Variants in GSK3B observed in about 807,000 individuals in gnomAD.
The protein encoded by GSK3B is glycogen synthase kinase 3 beta, also known as glycogen synthase kinase-3 beta.
A neutral mutation model predicts 56.4 loss-of-function variants in GSK3B; 15 were observed. The observed-to-expected ratio is 0.27, with a 90% CI of 0.18 to 0.41. GSK3B has a LOEUF of 0.41. GSK3B is among the 10% of genes least tolerant of loss of function. The pLI is 1.00. For synonymous variants in GSK3B, 181 were observed against 188.9 expected (o/e 0.96, Z 0.34); for missense variants, 300 against 513.4 (o/e 0.58, Z 4.02).
At chr3:119,905,902 G>T in intron 6 of GSK3B, 50 bp from the exon 7 acceptor site, 1 of 1,022,394 alleles carries the variant, frequency 9.8e-7, no homozygotes, top group Non-Finnish European at 1.6e-6. Flanking sequence ...AGCTTGAGCT[G>T]AAAAGTGTTT....
intron 6 of GSK3B, among the ~76,000 whole-genome samples, chr3:119,911,102 C>T (rs1189476069): frequency 6.6e-6 from 1 of 152,126 alleles, no homozygotes; most frequent in South Asian, 2.1e-4. Context: ...CTTAGTGACA[C>T]CTAGAATGGT....
chr3:119,971,376 C>T (rs1219584626), intron 2 of GSK3B, among the ~76,000 whole-genome samples: 2 of 152,218 alleles, frequency 1.3e-5, no homozygotes, highest in Non-Finnish European at 1.5e-5. Flanking sequence ...CCTACAGGTA[C>T]AGTTTCATTT....
intron 2 of GSK3B, among the ~76,000 whole-genome samples, chr3:119,948,676 T>C (rs1353351453): frequency 6.6e-6 from 1 of 152,204 alleles, no homozygotes; most frequent in Non-Finnish European, 1.5e-5. Context: ...AAGCTATTTC[T>C]GGAAGTATTT....
chr3:119,917,175 T>C (rs183772710), intron 4 of GSK3B, among the ~76,000 whole-genome samples: 5 of 152,238 alleles, frequency 3.3e-5, no homozygotes, highest in South Asian at 2.1e-4. Context: ...TAATGAAGCA[T>C]TGACATATGG....
At chr3:120,010,617 C>T (rs2057770289) in intron 1 of GSK3B, among the ~76,000 whole-genome samples, 1 of 152,220 alleles carries the variant, frequency 6.6e-6, no homozygotes, top group South Asian at 2.1e-4. Flanking sequence ...AATCTCACAT[C>T]TAACTCACAA....
rs1184491567 is a variant in GSK3B, at chr3:119,928,608, AAAAT to A, written c.367-5129_367-5126del. ...AGATAGAGCGAGACTCCATATCAAA[AAAAT>A]AAAAAAAAAAAAAAAAAAAAAAAGA... On this transcript the variant is annotated intron_variant, in intron 3 of 10. Coordinates refer to ENST00000264235, the MANE Select transcript of GSK3B (RefSeq NM_001146156.2). Among the ~76,000 whole-genome samples, 510 of 139,202 alleles carry A rather than the reference AAAAT, an allele frequency of 3.7e-3. 12 individuals carry two copies. The highest frequency in any genetic ancestry group is 0.012 in the African/African-American group (389 of 33,774). 91.3% of individuals were successfully genotyped at this position (139,202 alleles called of 152,430 possible).
At chr3:119,828,505 C>A (rs533952475) in intron 10 of GSK3B, among the ~76,000 whole-genome samples, 7 of 152,144 alleles carry the variant, frequency 4.6e-5, no homozygotes, top group African/African-American at 1.7e-4. Flanking sequence ...TTGGTGACAC[C>A]GAAAGGCAGA....
intron 2 of GSK3B, among the ~76,000 whole-genome samples, chr3:119,983,835 T>G (rs1460928173): frequency 6.6e-6 from 1 of 152,208 alleles, no homozygotes; most frequent in Non-Finnish European, 1.5e-5. Flanking sequence ...GGACCTGAAC[T>G]CAGCTCTGCA....
rs200168029 is a variant in GSK3B, at chr3:120,094,057, C to T, written c.-623G>A. ...CAGAGGCGGGCGGTGGCGGTGGCGG[C>T]GGCTCCTCTCCTCATTGCGCCAGGA... On this transcript the variant is annotated 5_prime_UTR_variant, in exon 1 of 11. Coordinates refer to ENST00000264235, the MANE Select transcript of GSK3B (RefSeq NM_001146156.2). 1 of 227,150 alleles carries T rather than the reference C, an allele frequency of 4.4e-6. No individual in the cohort carries two copies. The highest frequency in any genetic ancestry group is 8.8e-6 in the Non-Finnish European group (1 of 113,848). The allele number at this position is 227,150 out of a possible 1,614,324, so 14.1% of individuals were successfully genotyped here.
chr3:119,943,064 T>A (rs2107487563), intron 3 of GSK3B, among the ~76,000 whole-genome samples: 1 of 152,354 alleles, frequency 6.6e-6, no homozygotes, highest in South Asian at 2.1e-4. Flanking sequence ...TTCTTCTAGT[T>A]ACATTGGCTA....
At chr3:120,055,451 T>C (rs543584148) in intron 1 of GSK3B, among the ~76,000 whole-genome samples, 98 of 152,336 alleles carry the variant, frequency 6.4e-4, no homozygotes, top group African/African-American at 2.1e-3. Flanking sequence ...TATTCTTTTT[T>C]GGTTTATGTT....
At chr3:120,049,491 A>G (rs973286470) in intron 1 of GSK3B, among the ~76,000 whole-genome samples, 1 of 152,228 alleles carries the variant, frequency 6.6e-6, no homozygotes, top group Admixed American at 6.5e-5. Flanking sequence ...GTTGAGAGAC[A>G]GGTAAGTTGA....
At chr3:119,918,247 G>T (rs548951379) in intron 4 of GSK3B, among the ~76,000 whole-genome samples, 12 of 152,122 alleles carry the variant, frequency 7.9e-5, no homozygotes, top group African/African-American at 2.7e-4. Flanking sequence ...AAGGCAGGCG[G>T]GTTGCCTGAG....
intron 3 of GSK3B, among the ~76,000 whole-genome samples, chr3:119,933,507 C>T (rs571230156): frequency 3.9e-5 from 6 of 152,292 alleles, no homozygotes; most frequent in Non-Finnish European, 8.8e-5. Context: ...CATCTGCATG[C>T]CATTATCTTA....
chr3:120,068,440 C>G (rs2058299005), intron 1 of GSK3B, among the ~76,000 whole-genome samples: 1 of 149,730 alleles, frequency 6.7e-6, no homozygotes, highest in Non-Finnish European at 1.5e-5. Flanking sequence ...GTGGCTCATG[C>G]CTGTATTCCC....
At chr3:120,044,267 TG>T (rs1187541353) in intron 1 of GSK3B, among the ~76,000 whole-genome samples, 4 of 152,194 alleles carry the variant, frequency 2.6e-5, no homozygotes, top group Non-Finnish European at 4.4e-5. Context: ...TCTCACGGAA[TG>T]GGAAAAACTT....
intron 10 of GSK3B, among the ~76,000 whole-genome samples, chr3:119,835,958 C>G (rs2055684017): frequency 6.6e-6 from 1 of 152,158 alleles, no homozygotes; most frequent in South Asian, 2.1e-4. Flanking sequence ...CATTTCACCT[C>G]TCAAAAACAG....
Position 119,863,443 on chromosome 3 carries a change from C to T in GSK3B, c.1072G>A (p.Ala358Thr). The part of the protein sequence containing the change: ...VKLPNGRDTP[A>T]LFNFTTQELS... Reference sequence around the variant, plus strand: ...CCTTGAGTGGTGAAGTTGAAGAGTGCAGGTGTGTCTCGCCCATTTGGTAGT... The same window carrying T: ...CCTTGAGTGGTGAAGTTGAAGAGTGTAGGTGTGTCTCGCCCATTTGGTAGT... Residue 358 changes from alanine to threonine, a missense_variant, in exon 9 of 11, where the codon GCA becomes ACA. Transcript: ENST00000264235. 1 of 1,613,750 alleles carries T rather than the reference C, an allele frequency of 6.2e-7. No individual in the cohort carries two copies. The highest frequency in any genetic ancestry group is 8.5e-7 in the Non-Finnish European group (1 of 1,179,706).
At chr3:119,861,139 C>A (rs890305986) in intron 9 of GSK3B, among the ~76,000 whole-genome samples, 1 of 152,200 alleles carries the variant, frequency 6.6e-6, no homozygotes, top group African/African-American at 2.4e-5. Flanking sequence ...TACACAGTTA[C>A]AGCTTCCTTA....
Sources: gnomAD v4.1 joint callset for allele counts (sites outside exome capture counted in the v4.1 genomes callset) on GRCh38, gnomAD v4.1.1 for gene constraint, MANE v1.5 for transcripts, NCBI Gene and HGNC (gene_info 2026-07-23, HGNC 2026-07-21) for gene names.